TRIM23: variants seen among roughly 807,000 people sequenced by gnomAD.
TRIM23 encodes the protein tripartite motif containing 23, also known as E3 ubiquitin-protein ligase TRIM23.
TRIM23 carries 27 observed loss-of-function variants against 71.0 expected under a neutral mutation model. That is an observed-to-expected ratio of 0.38 (90% CI 0.28 to 0.52). The LOEUF (loss-of-function observed/expected upper bound fraction) is 0.52, where lower values mean the gene tolerates loss of function less well. Ranked by LOEUF, TRIM23 falls within the 20% of genes least tolerant of loss-of-function variation. The pLI is 0.84. For synonymous variants in TRIM23, 234 were observed against 238.0 expected (o/e 0.98, Z 0.16); for missense variants, 482 against 692.3 (o/e 0.70, Z 3.41).
chr5:65,594,672 A>T, intron 9 of TRIM23, 27 bp from the exon 10 acceptor site: 1 of 1,532,028 alleles, frequency 6.5e-7, no homozygotes, highest in African/African-American at 1.4e-5. Context: ...AAAAAAAACA[A>T]AAATAGTCAC....
rs187583352 is a variant in TRIM23 at position 65,590,047 on chromosome 5, C to A, written c.*1722G>T. The stretch of plus-strand genomic sequence containing the variant: ...ATTATACATACATTATAATCAGGCA[C>A]AATTTTTCAACTGTGTTCAGTTATA... On this transcript the variant is annotated 3_prime_UTR_variant, in exon 11 of 11. Transcript: ENST00000231524. 2.3e-4 allele frequency: 81 copies of A among 345,976 alleles called. No individual in the cohort carries two copies. The East Asian group carries it at 3.7e-3, about 16-fold the overall frequency. The allele number at this position is 345,976 out of a possible 1,614,324, so 21.4% of individuals were successfully genotyped here. A position where few individuals can be genotyped will look rare whatever the true frequency, so the allele number is the denominator to read the frequency against.
In TRIM23 at chr5:65,611,843, G is replaced by A. The variant is rs769830428; in HGVS notation, c.405C>T (p.Ala135=). The A allele has an allele frequency of 1.9e-6, 3 of 1,613,618 alleles. No homozygotes were observed. The highest frequency in any genetic ancestry group is 2.5e-6 in the Non-Finnish European group (3 of 1,179,640). Residue 135 remains alanine, a synonymous_variant, in exon 4 of 11, where the codon GCC becomes GCT. Coordinates refer to ENST00000231524, the MANE Select transcript of TRIM23 (RefSeq NM_001656.4). ...IRCDEDEAHL[A]SVYCTVCATH... Reference sequence around the variant, plus strand: ...TTGCACACACAGTGCAATATACAGAGGCAAGGTGAGCTTCATCTTCATCAC... The same window carrying A: ...TTGCACACACAGTGCAATATACAGAAGCAAGGTGAGCTTCATCTTCATCAC...
At chr5:65,597,248 T>C (rs192071354) in intron 7 of TRIM23, 68 bp from the exon 8 acceptor site, 25 of 1,486,072 alleles carry the variant, frequency 1.7e-5, no homozygotes, top group Non-Finnish European at 2.2e-5. Context: ...AGCACCTTTA[T>C]TATTTCTACA....
chr5:65,616,654 A>C (rs1199965228), intron 2 of TRIM23, among the ~76,000 whole-genome samples: 1 of 150,808 alleles, frequency 6.6e-6, no homozygotes, highest in Non-Finnish European at 1.5e-5. Flanking sequence ...AAAAAAAAAA[A>C]AAAAAAAAAG....
At position 65,589,745 on chromosome 5, in the gene TRIM23, G is replaced by GCTT. The variant is rs1357648241; in HGVS notation, c.*2021_*2023dup. ...TATCATATATGTAGTGCAAATAATG[G>GCTT]CTTCTGATGGTTATAAAGCATTCCT... On this transcript the variant is annotated 3_prime_UTR_variant, in exon 11 of 11. Transcript: ENST00000231524. 6.6e-6 allele frequency: 1 copy of GCTT among 152,244 alleles called. No individual in the cohort carries two copies. Among genetic ancestry groups the GCTT allele is most frequent in the Non-Finnish European group, 1.5e-5 (1 of 67,824 alleles). 9.4% of individuals were successfully genotyped at this position (152,244 alleles called of 1,614,324 possible). A position where few individuals can be genotyped will look rare whatever the true frequency, so the allele number is the denominator to read the frequency against.
intron 2 of TRIM23, among the ~76,000 whole-genome samples, chr5:65,614,451 T>C (rs1327255575): frequency 1.3e-5 from 2 of 152,196 alleles, no homozygotes; most frequent in African/African-American, 4.8e-5. Context: ...TTATTATTTT[T>C]TGGCCAGGTG....
At chr5:65,606,953 T>C (rs1269968693) in intron 6 of TRIM23, 1 of 152,196 alleles carries the variant, frequency 6.6e-6, no homozygotes, top group African/African-American at 2.4e-5. Context: ...TTGCTTATTG[T>C]GTTCACTGAT....
At chr5:65,611,574 A>T (rs1754650483) in intron 4 of TRIM23, 29 bp downstream of exon 4, 3 of 1,600,822 alleles carry the variant, frequency 1.9e-6, no homozygotes, top group South Asian at 2.2e-5. Context: ...AGCTACAGTG[A>T]TCCAACTGAT....
rs1051559964 is a variant in TRIM23 at position 65,594,393 on chromosome 5, T to C, written c.1545+128A>G. 4.1e-5 allele frequency: 50 copies of C among 1,229,144 alleles called. 2 individuals are homozygous for C. In the South Asian group the frequency reaches 6.5e-4, roughly 16 times the overall value. The allele number at this position is 1,229,144 out of a possible 1,614,324, so 76.1% of individuals were successfully genotyped here. On this transcript the variant is annotated intron_variant, in intron 10 of 10. Transcript: ENST00000231524. ...ACCCAGCACAGCATTTTCACATAGA[T>C]TGTACTCAAAATACACAGAAGAAAC...
intron 3 of TRIM23, 100 bp from the exon 4 acceptor site, chr5:65,611,981 A>G (rs964812976): frequency 2.7e-6 from 3 of 1,112,626 alleles, no homozygotes; most frequent in Non-Finnish European, 3.8e-6. Context: ...TTAACTGAAC[A>G]ATATTTACAT....
chr5:65,621,342 GCT>G (rs1412119097), intron 1 of TRIM23, among the ~76,000 whole-genome samples: 7 of 151,978 alleles, frequency 4.6e-5, no homozygotes, highest in Non-Finnish European at 8.8e-5. Flanking sequence ...ACAGAGTGAG[GCT>G]CTGTCTCAAA....
In TRIM23 at chr5:65,609,453, T is replaced by C. The variant is rs553446866; in HGVS notation, c.834A>G (p.Pro278=). The C allele has an allele frequency of 6.8e-6, 11 of 1,611,808 alleles. No individual in the cohort carries two copies. In the South Asian group the frequency reaches 8.8e-5, roughly 13 times the overall value. ...GIGMAHTEHV[P]GTAENARSCI... Reference sequence around the variant, plus strand: ...ATGACCGGGCATTCTCTGCAGTCCCTGGTACCTAAGAAAATGAAAATAAAT... The same window carrying C: ...ATGACCGGGCATTCTCTGCAGTCCCCGGTACCTAAGAAAATGAAAATAAAT... The change falls in exon 6 of 11, where the codon CCA becomes CCG. Residue 278 remains proline, a synonymous_variant. Transcript: ENST00000231524.
chr5:65,624,109 C>T, intron 1 of TRIM23, 85 bp downstream of exon 1: 1 of 1,558,948 alleles, frequency 6.4e-7, no homozygotes, highest in Non-Finnish European at 8.8e-7. Flanking sequence ...CCTATCGAAG[C>T]CTGGGCCGCG....
At chr5:65,594,275 C>T (rs924965137) in intron 10 of TRIM23, among the ~76,000 whole-genome samples, 1 of 152,156 alleles carries the variant, frequency 6.6e-6, no homozygotes, top group Non-Finnish European at 1.5e-5. Flanking sequence ...TATCAGTCTT[C>T]TTCGTATTCA....
chr5:65,604,084 G>A (rs549284259), intron 7 of TRIM23, among the ~76,000 whole-genome samples: 2 of 151,688 alleles, frequency 1.3e-5, no homozygotes, highest in Non-Finnish European at 2.9e-5. Context: ...ATGCCACCAT[G>A]CCCAATTATG....
At chr5:65,624,099 C>T in intron 1 of TRIM23, 95 bp downstream of exon 1, 6 of 1,472,464 alleles carry the variant, frequency 4.1e-6, no homozygotes, top group Non-Finnish European at 5.7e-6. Flanking sequence ...GCGCATCCCA[C>T]CTATCGAAGC....
In TRIM23 at chr5:65,624,251, C is replaced by A; in HGVS notation, c.24G>T (p.Lys8Asn). The A allele has an allele frequency of 6.2e-7, 1 of 1,614,208 alleles. No homozygotes were observed. Among genetic ancestry groups the A allele is most frequent in the Non-Finnish European group, 8.5e-7 (1 of 1,180,038 alleles). MATLVVN[K>N]LGAGVDSGRQ... ...GGCCACTGTCTACTCCCGCTCCGAG[C>A]TTGTTTACAACCAGGGTAGCCATCC... Residue 8 changes from lysine to asparagine, a missense_variant, in exon 1 of 11, where the codon AAG (lysine) becomes AAT (asparagine). Transcript: ENST00000231524.
At chr5:65,610,093 T>C (rs1323893544) in intron 5 of TRIM23, among the ~76,000 whole-genome samples, 1 of 152,214 alleles carries the variant, frequency 6.6e-6, no homozygotes, top group African/African-American at 2.4e-5. Context: ...TCTATTCTAC[T>C]TATTTAAAAT....
In TRIM23 at chr5:65,624,254, G is replaced by A. The variant is rs749768035; in HGVS notation, c.21C>T (p.Asn7=). 1 of 1,614,090 alleles carries A rather than the reference G, an allele frequency of 6.2e-7. No individual in the cohort carries two copies. Among genetic ancestry groups the A allele is most frequent in the Non-Finnish European group, 8.5e-7 (1 of 1,180,044 alleles). The change falls in exon 1 of 11, where the codon AAC becomes AAT. Residue 7 remains asparagine, a synonymous_variant. Transcript: ENST00000231524. MATLVV[N]KLGAGVDSGR... Reference sequence around the variant, plus strand: ...CACTGTCTACTCCCGCTCCGAGCTTGTTTACAACCAGGGTAGCCATCCTCG... The same window carrying A: ...CACTGTCTACTCCCGCTCCGAGCTTATTTACAACCAGGGTAGCCATCCTCG...
Sources: gnomAD v4.1 joint callset for allele counts (sites outside exome capture counted in the v4.1 genomes callset) on GRCh38, gnomAD v4.1.1 for gene constraint, MANE v1.5 for transcripts, NCBI Gene and HGNC (gene_info 2026-07-23, HGNC 2026-07-21) for gene names.